PPP1R26: variants seen among roughly 807,000 people sequenced by gnomAD.
PPP1R26 encodes 1A6/DRIM (down-regulated in metastasis) interacting protein.
Under a neutral mutation model 67.6 loss-of-function variants are expected in PPP1R26, and 22 were observed. That is an observed-to-expected ratio of 0.33 (90% confidence interval 0.23 to 0.46). The LOEUF is 0.46. Among genes scored for constraint, PPP1R26 ranks in the 20% least tolerant of loss-of-function variants. PPP1R26 has a pLI of 1.00. For synonymous variants in PPP1R26, 729 were observed against 717.2 expected (o/e 1.02, Z -0.26); for missense variants, 1,602 against 1,651.4 (o/e 0.97, Z 0.52).
At position 135,485,497 on chromosome 9, in the gene PPP1R26, A is replaced by C; in HGVS notation, c.987A>C (p.Glu329Asp). 6.2e-7 allele frequency: 1 copy of C among 1,613,118 alleles called. No individual in the cohort carries two copies. The highest frequency in any genetic ancestry group is 8.5e-7 in the Non-Finnish European group (1 of 1,180,004). Residue 329 changes from glutamate to aspartate, a missense_variant, in exon 4 of 4, where the codon GAA (glutamate) becomes GAC (aspartate). Physicochemically the swap from Glu to Asp is conservative, Grantham distance 45. Around this residue, in one of 5 missense-constraint regions of PPP1R26, gnomAD observed 680 missense variants for 726.1 expected, o/e 0.94. Coordinates refer to ENST00000356818, the MANE Select transcript of PPP1R26 (RefSeq NM_014811.5). This position sits in a 1 kb window ranked among gnomAD's most constrained non-coding sequence, Gnocchi z 7.2. ...TKPATPCRPS[E>D]AAQNKGGIKR... ...CGGCAACCCCCTGCCGCCCTTCAGAAGCAGCACAGAATAAAGGTGGGATCA... is the reference window on the plus strand; with the variant it reads ...CGGCAACCCCCTGCCGCCCTTCAGACGCAGCACAGAATAAAGGTGGGATCA...
rs141734668 is a variant in PPP1R26, at chr9:135,486,901, G to A, written c.2391G>A (p.Arg797=). 788 of 1,612,680 alleles carry A rather than the reference G, an allele frequency of 4.9e-4. No individual in the cohort carries two copies. Among genetic ancestry groups the A allele is most frequent in the Middle Eastern group, 2.0e-3 (12 of 6,084 alleles). Residue 797 remains arginine (R), a synonymous_variant, in exon 4 of 4, where the codon AGG becomes AGA. Coordinates refer to ENST00000356818, the MANE Select transcript of PPP1R26 (RefSeq NM_014811.5). This position sits in a 1 kb window ranked among gnomAD's most constrained non-coding sequence, Gnocchi z 6.2. The part of the protein sequence containing the change: ...SQDAALAFRV[R]RPASASASEG... ...ACGCGGCCCTGGCCTTCCGGGTGAG[G>A]AGACCCGCCTCCGCCTCTGCCTCCG...
chr9:135,486,278 C>T lies in PPP1R26; in HGVS notation c.1768C>T (p.Leu590=). Residue 590 remains leucine (L), a synonymous_variant, in exon 4 of 4, where the codon CTG becomes TTG. Coordinates refer to ENST00000356818, the MANE Select transcript of PPP1R26 (RefSeq NM_014811.5). This position sits in a 1 kb window ranked among gnomAD's most constrained non-coding sequence, Gnocchi z 6.2. ...TCTCTCTAAAACACCAGACCCACTG[C>T]TGGGCTGCAAAAGGAAGCGTAGAGG... ...TPLSKTPDPL[L]GCKRKRRGGG... 6.2e-7 allele frequency: 1 copy of T among 1,612,964 alleles called. No individual in the cohort carries two copies. Among genetic ancestry groups the T allele is most frequent in the Non-Finnish European group, 8.5e-7 (1 of 1,180,014 alleles).
chr9:135,482,189 A>G (rs1431504704), intron 1 of PPP1R26, among the ~76,000 whole-genome samples: 2 of 152,274 alleles, frequency 1.3e-5, no homozygotes, highest in Non-Finnish European at 2.9e-5. Flanking sequence ...GACGCTCCTC[A>G]GCCCAAGGCT....
chr9:135,488,231 G>A lies in PPP1R26; in HGVS notation c.*91G>A. The A allele has an allele frequency of 4.9e-6, 7 of 1,438,084 alleles. No individual in the cohort carries two copies. The South Asian group carries it at 1.1e-4, about 22-fold the overall frequency. The allele number at this position is 1,438,084 out of a possible 1,614,324, so 89.1% of individuals were successfully genotyped here. On this transcript the variant is annotated 3_prime_UTR_variant, in exon 4 of 4. Transcript: ENST00000356818. ...GTGTGTGATGGTTCCGTGGCTGCAA[G>A]GAAGGGAAACAGTCTATTATACATA...
In PPP1R26 at chr9:135,487,327, C is replaced by T. The variant is rs1268549554; in HGVS notation, c.2817C>T (p.Pro939=). Residue 939 remains proline, a synonymous_variant, in exon 4 of 4, where the codon CCC becomes CCT. Transcript: ENST00000356818. ...CTGCCCGAGGGGATCCGGTGCCGCC[C>T]AGGAGCACCAGCGGCGGTGTCTCCG... ...AAPARGDPVP[P]RSTSGGVSAK... The T allele has an allele frequency of 2.6e-6, 4 of 1,555,120 alleles. No homozygotes were observed. In the African/African-American group the frequency reaches 4.1e-5, roughly 16 times the overall value.
Position 135,487,664 on chromosome 9 carries a change from A to C in PPP1R26, c.3154A>C (p.Arg1052=). ...LRSEGRDAVW[R]GGVGSERDKG... Reference sequence around the variant, plus strand: ...CTCCGAAGGCAGAGATGCAGTGTGGAGGGGGGGCGTCGGGAGCGAGAGAGA... The same window carrying C: ...CTCCGAAGGCAGAGATGCAGTGTGGCGGGGGGGCGTCGGGAGCGAGAGAGA... Residue 1052 remains arginine, a synonymous_variant, in exon 4 of 4, where the codon AGG becomes CGG. Transcript: ENST00000356818. The C allele has an allele frequency of 6.8e-7, 1 of 1,463,882 alleles. No homozygotes were observed. Among genetic ancestry groups the C allele is most frequent in the Non-Finnish European group, 9.0e-7 (1 of 1,108,202 alleles). The allele number at this position is 1,463,882 out of a possible 1,614,324, so 90.7% of individuals were successfully genotyped here. A position where few individuals can be genotyped will look rare whatever the true frequency, so the allele number is the denominator to read the frequency against.
At chr9:135,483,361 G>A (rs1163732649) in intron 2 of PPP1R26, 2 of 152,206 alleles carry the variant, frequency 1.3e-5, no homozygotes, top group East Asian at 1.9e-4. Context: ...GGAAGGAAGC[G>A]CCTGGTTAAC....
chr9:135,479,451 C>T (rs1052734561), upstream of PPP1R26, among the ~76,000 whole-genome samples: 2 of 151,102 alleles, frequency 1.3e-5, no homozygotes, highest in East Asian at 2.0e-4. This position sits in a 1 kb window ranked among gnomAD's most constrained non-coding sequence, Gnocchi z 5.9. Flanking sequence ...CCTGCGCGCC[C>T]CCCGGAGGTG....
chr9:135,487,424 G>C lies in PPP1R26; in HGVS notation c.2914G>C (p.Ala972Pro), dbSNP rs771338199. The change falls in exon 4 of 4, where the codon GCT (alanine) becomes CCT (proline). Residue 972 changes from alanine to proline, a missense_variant. By Grantham distance (27) the Ala-to-Pro change is conservative. This residue lies in a region of PPP1R26 where 740 missense variants were observed against 696.3 expected (regional missense o/e 1.06). Transcript: ENST00000356818. Reference protein sequence around the residue: ...KDQSPRGAEPAAKSAFGQLPS... With the variant: ...KDQSPRGAEPPAKSAFGQLPS... ...CCAGAGCCCACGAGGGGCTGAGCCT[G>C]CTGCCAAAAGTGCTTTTGGTCAGCT... 1.9e-6 allele frequency: 3 copies of C among 1,604,594 alleles called. No individual in the cohort carries two copies. In the East Asian group the frequency reaches 6.7e-5, roughly 36 times the overall value.
chr9:135,486,815 C>A lies in PPP1R26; in HGVS notation c.2305C>A (p.Pro769Thr), dbSNP rs1455220241. 6.2e-7 allele frequency: 1 copy of A among 1,607,362 alleles called. No individual in the cohort carries two copies. The highest frequency in any genetic ancestry group is 8.5e-7 in the Non-Finnish European group (1 of 1,177,480). ...CAGTGGCGAGGGTCCTGGGAAGAAACCCCCCAGTGTCTTTGGCAGCACGGC... is the reference window on the plus strand; with the variant it reads ...CAGTGGCGAGGGTCCTGGGAAGAAAACCCCCAGTGTCTTTGGCAGCACGGC... ...RDSGEGPGKK[P>T]PSVFGSTAER... is the part of the protein sequence containing the mutation. The change falls in exon 4 of 4, where the codon CCC becomes ACC. Residue 769 changes from proline to threonine, a missense_variant. By Grantham distance (38) the Pro-to-Thr change is conservative. This residue lies in a region of PPP1R26 where 740 missense variants were observed against 696.3 expected (regional missense o/e 1.06). Coordinates refer to ENST00000356818, the MANE Select transcript of PPP1R26 (RefSeq NM_014811.5). This position sits in a 1 kb window ranked among gnomAD's most constrained non-coding sequence, Gnocchi z 6.2.
rs145084022 is a variant in PPP1R26 at position 135,487,342 on chromosome 9, C to G, written c.2832C>G (p.Gly944=). The G allele has an allele frequency of 1.8e-5, 28 of 1,552,354 alleles. No homozygotes were observed. Among genetic ancestry groups the G allele is most frequent in the Non-Finnish European group, 2.4e-5 (28 of 1,151,694 alleles). Residue 944 remains glycine (G), a synonymous_variant, in exon 4 of 4, where the codon GGC becomes GGG. Coordinates refer to ENST00000356818, the MANE Select transcript of PPP1R26 (RefSeq NM_014811.5). ...CGGTGCCGCCCAGGAGCACCAGCGG[C>G]GGTGTCTCCGCCAAGGGGCTCTCAG... ...GDPVPPRSTS[G]GVSAKGLSVS...
Position 135,485,652 on chromosome 9 carries a change from G to T in PPP1R26, c.1142G>T (p.Arg381Leu), listed in dbSNP as rs34151777. 0.063 allele frequency: 101,362 copies of T among 1,612,560 alleles called. 3,763 individuals carry two copies. Among genetic ancestry groups the T allele is most frequent in the Non-Finnish European group, 0.073 (86,724 of 1,180,002 alleles). The change falls in exon 4 of 4, where the codon CGC becomes CTC. Residue 381 changes from arginine (R) to leucine (L), a missense_variant. Transcript: ENST00000356818. This position sits in a 1 kb window ranked among gnomAD's most constrained non-coding sequence, Gnocchi z 7.2. ...CAGCTGTACCAGCTGCAGAAAACAC[G>T]CAAGGAGGCCGACGGGGACCTGCCC... ...AIQLYQLQKT[R>L]KEADGDLPQR...
rs188912013 is a variant in PPP1R26, at chr9:135,484,863, C to G, written c.353C>G (p.Pro118Arg). Residue 118 changes from proline to arginine, a missense_variant, in exon 4 of 4, where the codon CCG (proline) becomes CGG (arginine). Physicochemically the swap from Pro to Arg is moderately radical, Grantham distance 103. This residue lies in a region of PPP1R26 where 168 missense variants were observed against 176.1 expected (regional missense o/e 0.95). Coordinates refer to ENST00000356818, the MANE Select transcript of PPP1R26 (RefSeq NM_014811.5). ...MGEEETTDFG[P>R]LVLDSDSDDS... ...GAGGAGGAAACTACAGACTTTGGCC[C>G]GTTGGTGCTAGATTCAGACAGTGAT... 14 of 1,608,264 alleles carry G rather than the reference C, an allele frequency of 8.7e-6. No individual in the cohort carries two copies. Among genetic ancestry groups the G allele is most frequent in the Non-Finnish European group, 1.2e-5 (14 of 1,178,410 alleles).
upstream of PPP1R26, among the ~76,000 whole-genome samples, chr9:135,479,290 C>T (rs567021446): frequency 6.0e-3 from 904 of 151,902 alleles, 6 homozygotes; most frequent in Non-Finnish European, 9.4e-3. The surrounding 1 kb of genome is among the most constrained non-coding windows in gnomAD (Gnocchi z 5.9). Flanking sequence ...GCTGGAGGGG[C>T]GGGCGGGCCG....
rs1271778045 is a variant in PPP1R26 at position 135,486,857 on chromosome 9, G to A, written c.2347G>A (p.Glu783Lys). The A allele has an allele frequency of 6.2e-7, 1 of 1,611,736 alleles. No homozygotes were observed. ...CAGCACGGCAGAGAGGATGAGGCAG[G>A]AGGGTGCCGCGAGCCAGGACGCGGC... The part of the protein sequence containing the change: ...FGSTAERMRQ[E>K]GAASQDAALA... Residue 783 changes from glutamate (E) to lysine (K), a missense_variant, in exon 4 of 4, where the codon GAG (glutamate) becomes AAG (lysine). Glu to Lys is a moderately conservative substitution (Grantham distance 56). This residue lies in a region of PPP1R26 where 740 missense variants were observed against 696.3 expected (regional missense o/e 1.06). Coordinates refer to ENST00000356818, the MANE Select transcript of PPP1R26 (RefSeq NM_014811.5). The surrounding 1 kb of genome is among the most constrained non-coding windows in gnomAD (Gnocchi z 6.2).
At position 135,486,590 on chromosome 9, in the gene PPP1R26, G is replaced by T; in HGVS notation, c.2080G>T (p.Asp694Tyr). The change falls in exon 4 of 4, where the codon GAC becomes TAC. Residue 694 changes from aspartate to tyrosine, a missense_variant. Asp to Tyr is a radical substitution (Grantham distance 160). This residue lies in a region of PPP1R26 where 7 missense variants were observed against 24.3 expected (regional missense o/e 0.29). Coordinates refer to ENST00000356818, the MANE Select transcript of PPP1R26 (RefSeq NM_014811.5). The surrounding 1 kb of genome is among the most constrained non-coding windows in gnomAD (Gnocchi z 6.2). ...SSSLDSDEDLDTAIKDLLRSK... is the reference protein window; with the variant it reads ...SSSLDSDEDLYTAIKDLLRSK... ...CTCCCTGGACAGTGACGAGGACCTG[G>T]ACACAGCCATCAAGGACTTGTTAAG... 3.7e-6 allele frequency: 6 copies of T among 1,612,236 alleles called. No homozygotes were observed. The highest frequency in any genetic ancestry group is 4.2e-6 in the Non-Finnish European group (5 of 1,180,020).
chr9:135,487,195 CA>C lies in PPP1R26; in HGVS notation c.2686del (p.Arg896GlyfsTer58), dbSNP rs1554733094. ...PGVCTRSQRA[R>X]GVPHLAEGLR... Reference sequence around the variant, plus strand: ...GCGTGTGCACACGCAGCCAGAGGGCCAGGGGGGTCCCACATCTGGCCGAAGG... The same window carrying C: ...GCGTGTGCACACGCAGCCAGAGGGCCGGGGGGTCCCACATCTGGCCGAAGG... On this transcript the variant is annotated frameshift_variant, in exon 4 of 4. Coordinates refer to ENST00000356818, the MANE Select transcript of PPP1R26 (RefSeq NM_014811.5). LOFTEE classifies it high-confidence loss of function. The C allele has an allele frequency of 2.5e-6, 4 of 1,603,240 alleles. No homozygotes were observed. The highest frequency in any genetic ancestry group is 3.4e-6 in the Non-Finnish European group (4 of 1,176,196).
chr9:135,482,786 C>A lies in PPP1R26; in HGVS notation c.-225C>A. ...GTGGGAACACTGGCTGCCATTTCAT[C>A]ACAGTCAACCTGGACTCACAGAATT... On this transcript the variant is annotated 5_prime_UTR_variant, in exon 2 of 4. Transcript: ENST00000356818. 2.5e-6 allele frequency: 1 copy of A among 398,552 alleles called. No individual in the cohort carries two copies. The highest frequency in any genetic ancestry group is 4.4e-6 in the Non-Finnish European group (1 of 226,068). 24.7% of individuals were successfully genotyped at this position (398,552 alleles called of 1,614,324 possible). A position where few individuals can be genotyped will look rare whatever the true frequency, so the allele number is the denominator to read the frequency against.
At position 135,488,160 on chromosome 9, in the gene PPP1R26, G is replaced by C; in HGVS notation, c.*20G>C. On this transcript the variant is annotated 3_prime_UTR_variant, in exon 4 of 4. Transcript: ENST00000356818. The stretch of plus-strand genomic sequence containing the variant: ...GTCTAAGCCCTCGAGCTGTGGGTTC[G>C]CGTCCTGGGTTGCGTGCATTCGTGG... 1.3e-6 allele frequency: 2 copies of C among 1,496,914 alleles called. No homozygotes were observed. The highest frequency in any genetic ancestry group is 1.8e-6 in the Non-Finnish European group (2 of 1,125,174). 92.7% of individuals were successfully genotyped at this position (1,496,914 alleles called of 1,614,324 possible). A position where few individuals can be genotyped will look rare whatever the true frequency, so the allele number is the denominator to read the frequency against.
Sources: gnomAD v4.1 joint callset for allele counts (sites outside exome capture counted in the v4.1 genomes callset) on GRCh38, gnomAD v4.1.1 for gene constraint, gnomAD v4.1.1 regional missense constraint, Gnocchi (gnomAD v3.1) non-coding constraint, MANE v1.5 for transcripts, NCBI Gene and HGNC (gene_info 2026-07-23, HGNC 2026-07-21) for gene names.